Variants in CHSY3 observed in about 807,000 individuals in gnomAD.
The protein encoded by CHSY3 is N-acetylgalactosaminyl-proteoglycan 3-beta-glucuronosyltransferase 3.
A neutral mutation model predicts 67.2 loss-of-function variants in CHSY3; 35 were observed. The observed-to-expected ratio is 0.52, with a 90% CI of 0.40 to 0.69. CHSY3 has a LOEUF of 0.69. CHSY3 is among the 30% of genes least tolerant of loss of function. The probability of loss-of-function intolerance (pLI) is 0.00; values close to 1 mark genes in which losing one functional copy is unlikely to be tolerated. For missense variants in CHSY3, 1,069 were observed against 1,138.5 expected (o/e 0.94, Z 0.88); for synonymous variants, 474 against 434.7 (o/e 1.09, Z -1.12).
chr5:130,006,914 T>C (rs1278976237), intron 2 of CHSY3, among the ~76,000 whole-genome samples: 5 of 152,198 alleles, frequency 3.3e-5, no homozygotes, highest in Non-Finnish European at 7.3e-5. Flanking sequence ...AACTAGATAT[T>C]GGTGTCTGTC....
intron 2 of CHSY3, among the ~76,000 whole-genome samples, chr5:130,000,766 T>C: frequency 8.8e-6 from 1 of 113,084 alleles, no homozygotes; most frequent in East Asian, 2.9e-4. Flanking sequence ...TTTGTAGAGA[T>C]GAAATCTTGC....
intron 2 of CHSY3, among the ~76,000 whole-genome samples, chr5:130,121,239 A>T (rs1405556918): frequency 6.6e-6 from 1 of 152,188 alleles, no homozygotes; most frequent in Non-Finnish European, 1.5e-5. Context: ...AGGTTCTAAA[A>T]TCTAATCGTG....
In CHSY3 at chr5:130,071,231, A is replaced by G. The variant is rs182949108; in HGVS notation, c.1087-112998A>G. Among the ~76,000 whole-genome samples, 15 of 152,188 alleles carry G rather than the reference A, an allele frequency of 9.9e-5. 1 individual carries two copies. In the East Asian group the frequency reaches 2.9e-3, roughly 29 times the overall value. Reference sequence around the variant, plus strand: ...AGCTAACTTTGAAATTAGTAAATGCACAGTTTTATAACCATGTATAAGAGA... The same window carrying G: ...AGCTAACTTTGAAATTAGTAAATGCGCAGTTTTATAACCATGTATAAGAGA... On this transcript the variant is annotated intron_variant, in intron 2 of 2. Transcript: ENST00000305031.
intron 2 of CHSY3, among the ~76,000 whole-genome samples, chr5:130,176,217 G>A (rs1033070837): frequency 1.3e-5 from 2 of 151,910 alleles, no homozygotes; most frequent in African/African-American, 4.8e-5. Context: ...CTCAAAAGAA[G>A]ACATTTATGC....
chr5:129,905,510 G>A lies in CHSY3; in HGVS notation c.681G>A (p.Pro227=), dbSNP rs1760247618. ...CACCCCTGCCTGTCATCGCGCTACC[G>A]GGTGTGGACGACTCCTATCCTCCCC... ...PPPPLPVIAL[P]GVDDSYPPQK... The change falls in exon 1 of 3, where the codon CCG becomes CCA. Residue 227 remains proline, a synonymous_variant. Transcript: ENST00000305031. 4 of 1,613,114 alleles carry A rather than the reference G, an allele frequency of 2.5e-6. No individual in the cohort carries two copies. The highest frequency in any genetic ancestry group is 3.3e-5 in the Admixed American group (2 of 59,992).
intron 2 of CHSY3, among the ~76,000 whole-genome samples, chr5:130,015,692 A>T (rs1354220185): frequency 6.6e-6 from 1 of 152,198 alleles, no homozygotes; most frequent in Non-Finnish European, 1.5e-5. Flanking sequence ...TTCTTGAAAG[A>T]TCTTAGAACT....
intron 2 of CHSY3, among the ~76,000 whole-genome samples, chr5:130,128,210 A>G (rs1211096621): frequency 6.8e-6 from 1 of 147,102 alleles, no homozygotes; most frequent in South Asian, 2.2e-4. Flanking sequence ...AGTAGCCAAG[A>G]TGTGGAAGAA....
chr5:130,065,273 T>C (rs1002144923), intron 2 of CHSY3, among the ~76,000 whole-genome samples: 2 of 152,162 alleles, frequency 1.3e-5, no homozygotes, highest in African/African-American at 4.8e-5. Context: ...CTTTGACATT[T>C]AGAACCAGCT....
chr5:130,144,109 C>G (rs953029555), intron 2 of CHSY3, among the ~76,000 whole-genome samples: 1 of 150,460 alleles, frequency 6.6e-6, no homozygotes, highest in Admixed American at 6.7e-5. Flanking sequence ...AGAAGTGTTT[C>G]TTCTATAAAT....
intron 2 of CHSY3, among the ~76,000 whole-genome samples, chr5:130,010,790 G>A (rs1384393322): frequency 1.3e-5 from 2 of 151,892 alleles, no homozygotes; most frequent in Non-Finnish European, 1.5e-5. Context: ...AATGACAGGG[G>A]ACATTACCAC....
At chr5:129,940,994 G>T (rs1325229403) in intron 2 of CHSY3, among the ~76,000 whole-genome samples, 1 of 152,064 alleles carries the variant, frequency 6.6e-6, no homozygotes. Context: ...TGAGATGGAA[G>T]GATTACTTGA....
At chr5:130,099,995 A>C (rs1029328429) in intron 2 of CHSY3, among the ~76,000 whole-genome samples, 1 of 96,214 alleles carries the variant, frequency 1.0e-5, no homozygotes, top group African/African-American at 5.9e-5. Context: ...AGTGACTACA[A>C]AAAAAAAATA....
At chr5:129,988,271 C>A (rs1428986474) in intron 2 of CHSY3, among the ~76,000 whole-genome samples, 3 of 152,194 alleles carry the variant, frequency 2.0e-5, no homozygotes, top group Non-Finnish European at 4.4e-5. Context: ...TGTTTAATCA[C>A]TCAGGTGATG....
rs952002676 is a variant in CHSY3 at position 129,904,666 on chromosome 5, C to A, written c.-164C>A. 4.5e-6 allele frequency: 5 copies of A among 1,112,206 alleles called. No homozygotes were observed. In the African/African-American group the frequency reaches 6.5e-5, roughly 14 times the overall value. The allele number at this position is 1,112,206 out of a possible 1,614,324, so 68.9% of individuals were successfully genotyped here. ...GCAGGCAGCTGCAGCCCGCGGCAGT[C>A]GAGGCGTCCGCGGCGCTTCGACCTC... On this transcript the variant is annotated 5_prime_UTR_variant, in exon 1 of 3. Transcript: ENST00000305031.
intron 2 of CHSY3, among the ~76,000 whole-genome samples, chr5:129,936,177 G>A (rs952800340): frequency 6.6e-6 from 1 of 152,138 alleles, no homozygotes; most frequent in Non-Finnish European, 1.5e-5. Context: ...AGTCAGATTT[G>A]GAGAAAACTA....
At chr5:130,013,371 C>T (rs988521153) in intron 2 of CHSY3, among the ~76,000 whole-genome samples, 1 of 152,192 alleles carries the variant, frequency 6.6e-6, no homozygotes, top group African/African-American at 2.4e-5. Flanking sequence ...TCTGGGGGCT[C>T]CAACCCCACA....
intron 2 of CHSY3, among the ~76,000 whole-genome samples, chr5:130,144,790 C>T (rs908286355): frequency 6.6e-6 from 1 of 152,092 alleles, no homozygotes; most frequent in African/African-American, 2.4e-5. Context: ...ACGTATTAGG[C>T]CCTTCTCTCA....
intron 2 of CHSY3, among the ~76,000 whole-genome samples, chr5:130,102,710 G>C (rs1324165927): frequency 6.6e-6 from 1 of 152,076 alleles, no homozygotes; most frequent in Admixed American, 6.5e-5. Flanking sequence ...TGAACCTAAA[G>C]CCAAATTATG....
chr5:130,092,263 A>G (rs1266631871), intron 2 of CHSY3, among the ~76,000 whole-genome samples: 1 of 152,138 alleles, frequency 6.6e-6, no homozygotes. Context: ...CCCTGCTACA[A>G]TTTATCACAC....
Sources: gnomAD v4.1 joint callset for allele counts (sites outside exome capture counted in the v4.1 genomes callset) on GRCh38, gnomAD v4.1.1 for gene constraint, MANE v1.5 for transcripts, NCBI Gene and HGNC (gene_info 2026-07-23, HGNC 2026-07-21) for gene names.